CFAP20DC: variants seen among roughly 807,000 people sequenced by gnomAD.
CFAP20DC encodes protein CFAP20DC.
A neutral mutation model predicts 101.7 loss-of-function variants in CFAP20DC; 84 were observed. The observed-to-expected ratio is 0.83, with a 90% confidence interval of 0.69 to 0.99. CFAP20DC has a LOEUF of 0.99. Ranked by LOEUF, CFAP20DC falls within the 50% of genes least tolerant of loss-of-function variation. CFAP20DC has a pLI of 0.00. For synonymous variants in CFAP20DC, 359 were observed against 351.2 expected (o/e 1.02, Z -0.25); for missense variants, 1,007 against 970.3 (o/e 1.04, Z -0.50).
At chr3:58,763,585 C>T (rs1221793165) in intron 15 of CFAP20DC, among the ~76,000 whole-genome samples, 1 of 152,216 alleles carries the variant, frequency 6.6e-6, no homozygotes. Context: ...TGGTGAGAAG[C>T]TGCATTCCTT....
At chr3:58,967,731 T>C (rs1237071948) in intron 4 of CFAP20DC, among the ~76,000 whole-genome samples, 1 of 152,186 alleles carries the variant, frequency 6.6e-6, no homozygotes, top group Non-Finnish European at 1.5e-5. Context: ...ATTTTAGGTT[T>C]AGGGGTACAT....
chr3:58,758,872 CT>C (rs2069230401), intron 15 of CFAP20DC, among the ~76,000 whole-genome samples: 1 of 151,940 alleles, frequency 6.6e-6, no homozygotes, highest in African/African-American at 2.4e-5. Flanking sequence ...AGAACTCATC[CT>C]TTTTTATGGC....
At chr3:59,025,018 A>C (rs761464001) in intron 4 of CFAP20DC, among the ~76,000 whole-genome samples, 30 of 152,162 alleles carry the variant, frequency 2.0e-4, no homozygotes, top group South Asian at 8.3e-4. Flanking sequence ...GTGGAAAATG[A>C]GAAAGCCCTG....
At chr3:58,793,280 C>T (rs1391560864) in intron 15 of CFAP20DC, among the ~76,000 whole-genome samples, 1 of 152,134 alleles carries the variant, frequency 6.6e-6, no homozygotes, top group Admixed American at 6.6e-5. Flanking sequence ...GTGACAGATT[C>T]ATTCCTTTCC....
At chr3:58,952,578 G>A (rs2090237057) in intron 4 of CFAP20DC, among the ~76,000 whole-genome samples, 2 of 152,072 alleles carry the variant, frequency 1.3e-5, no homozygotes, top group Admixed American at 6.6e-5. Context: ...GCTCATAGAT[G>A]CCTATGTAAT....
In CFAP20DC at chr3:58,863,898, A is replaced by C; in HGVS notation, c.1259-6T>G. The C allele has an allele frequency of 2.5e-6, 4 of 1,594,140 alleles. No individual in the cohort carries two copies. The highest frequency in any genetic ancestry group is 3.4e-6 in the Non-Finnish European group (4 of 1,170,912). ...TTCAGGAAAAATCCACTCATCTGAC[A>C]GTTGGAAAAGATGACAAAAATTAGA... On this transcript the variant is annotated splice_region_variant and splice_polypyrimidine_tract_variant and intron_variant, in intron 11 of 16. Coordinates refer to ENST00000482387, the MANE Select transcript of CFAP20DC (RefSeq NM_001394063.1). This position sits in a 1 kb window ranked among gnomAD's most constrained non-coding sequence, Gnocchi z 5.9.
chr3:58,869,426 A>T lies in CFAP20DC; in HGVS notation c.917T>A (p.Val306Asp). The change falls in exon 9 of 17, where the codon GTT becomes GAT. Residue 306 changes from valine (V) to aspartate (D), a missense_variant. Physicochemically the swap from Val to Asp is radical, Grantham distance 152 (BLOSUM62 -3). Transcript: ENST00000482387. The surrounding 1 kb of genome is among the most constrained non-coding windows in gnomAD (Gnocchi z 4.3). ...CAAGGCTGACATTTCTGTACCATTAACACACTTCTCTACAGTGGACGGCTG... is the reference window on the plus strand; with the variant it reads ...CAAGGCTGACATTTCTGTACCATTATCACACTTCTCTACAGTGGACGGCTG... ...SCQPSTVEKC[V>D]NGTEMSALLI... 1 of 1,613,924 alleles carries T rather than the reference A, an allele frequency of 6.2e-7. No individual in the cohort carries two copies. The highest frequency in any genetic ancestry group is 8.5e-7 in the Non-Finnish European group (1 of 1,179,856).
At chr3:59,009,428 C>T (rs973902758) in intron 4 of CFAP20DC, among the ~76,000 whole-genome samples, 146 of 151,936 alleles carry the variant, frequency 9.6e-4, no homozygotes, top group African/African-American at 3.4e-3. Flanking sequence ...AAAAAACATA[C>T]AGGATATGAA....
intron 13 of CFAP20DC, among the ~76,000 whole-genome samples, chr3:58,832,313 T>G (rs1208260708): frequency 6.6e-6 from 1 of 152,174 alleles, no homozygotes; most frequent in Non-Finnish European, 1.5e-5. Context: ...GTTGCACTGA[T>G]GGAATTGTTT....
intron 15 of CFAP20DC, among the ~76,000 whole-genome samples, chr3:58,775,749 T>C (rs1326352969): frequency 6.6e-6 from 1 of 150,898 alleles, no homozygotes; most frequent in Non-Finnish European, 1.5e-5. Context: ...TTCTGTCTTT[T>C]TTTTTTTTTT....
intron 5 of CFAP20DC, among the ~76,000 whole-genome samples, chr3:58,916,332 C>G (rs2084708283): frequency 1.3e-5 from 2 of 152,160 alleles, no homozygotes; most frequent in South Asian, 4.2e-4. Flanking sequence ...GCTGGTTACA[C>G]CACCAGCTCT....
downstream of CFAP20DC, chr3:58,737,304 T>A (rs746075899): frequency 6.8e-4 from 300 of 439,014 alleles, 1 homozygote; most frequent in Non-Finnish European, 1.0e-3. This position sits in a 1 kb window ranked among gnomAD's most constrained non-coding sequence, Gnocchi z 4.1. Context: ...CAAATCTCTC[T>A]CACACACACA....
intron 4 of CFAP20DC, among the ~76,000 whole-genome samples, chr3:58,996,526 C>T (rs574701752): frequency 6.6e-6 from 1 of 152,296 alleles, no homozygotes; most frequent in African/African-American, 2.4e-5. Flanking sequence ...TTTGCTTCCT[C>T]TTAATAAGTT....
intron 7 of CFAP20DC, among the ~76,000 whole-genome samples, chr3:58,871,678 G>A (rs752466748): frequency 3.3e-5 from 5 of 151,838 alleles, no homozygotes; most frequent in African/African-American, 1.2e-4. Flanking sequence ...AGAGGTACAC[G>A]CCACCATGCC....
chr3:58,864,452 G>A lies in CFAP20DC; in HGVS notation c.1259-560C>T, dbSNP rs1388504807. On this transcript the variant is annotated intron_variant, in intron 11 of 16. Transcript: ENST00000482387. This position sits in a 1 kb window ranked among gnomAD's most constrained non-coding sequence, Gnocchi z 4.7. Reference sequence around the variant, plus strand: ...TCCATTTGAGTTGAAACACTGACCAGGAAATTTGTAAGTCTGAAATAATTA... The same window carrying A: ...TCCATTTGAGTTGAAACACTGACCAAGAAATTTGTAAGTCTGAAATAATTA... Among the ~76,000 whole-genome samples, 1 of 152,164 alleles carries A rather than the reference G, an allele frequency of 6.6e-6. No individual in the cohort carries two copies. Among genetic ancestry groups the A allele is most frequent in the African/African-American group, 2.4e-5 (1 of 41,444 alleles).
intron 15 of CFAP20DC, among the ~76,000 whole-genome samples, chr3:58,798,740 C>T (rs186250506): frequency 6.6e-6 from 1 of 152,308 alleles, no homozygotes; most frequent in African/African-American, 2.4e-5. Context: ...TTTTAAGAAA[C>T]TGCCAGAGCC....
intron 15 of CFAP20DC, among the ~76,000 whole-genome samples, chr3:58,755,681 A>C (rs1291615421): frequency 2.0e-5 from 3 of 152,132 alleles, no homozygotes; most frequent in Non-Finnish European, 4.4e-5. Context: ...TCTTTTTGTG[A>C]TTAAAAAAAT....
chr3:58,839,223 A>T (rs1436525680), intron 13 of CFAP20DC, among the ~76,000 whole-genome samples: 5 of 152,250 alleles, frequency 3.3e-5, no homozygotes, highest in African/African-American at 4.8e-5. Flanking sequence ...GAATGTTTTC[A>T]GTGGCCTCTA....
intron 3 of CFAP20DC, among the ~76,000 whole-genome samples, chr3:58,735,010 T>G (rs965291942): frequency 2.0e-5 from 3 of 152,194 alleles, no homozygotes; most frequent in African/African-American, 7.2e-5. Flanking sequence ...AAAAGAGACC[T>G]GACTCACCAG....
Sources: allele counts gnomAD v4.1 joint callset (sites outside exome capture counted in the v4.1 genomes callset), GRCh38; gene constraint gnomAD v4.1.1; non-coding constraint Gnocchi (gnomAD v3.1); transcripts MANE v1.5; gene names NCBI Gene and HGNC (gene_info 2026-07-23, HGNC 2026-07-21).